The following OLFM2 variants were observed in gnomAD, a reference collection of about 807,000 sequenced individuals.
OLFM2 encodes the protein noelin-2.
In OLFM2, 20 loss-of-function variants were observed where a neutral mutation model predicts 43.9. That is an observed-to-expected ratio of 0.46 (90% CI 0.32 to 0.66). OLFM2 has a LOEUF of 0.66. Among genes scored for constraint, OLFM2 ranks in the 30% least tolerant of loss-of-function variants. The pLI is 0.04. For synonymous variants in OLFM2, 268 were observed against 278.6 expected (o/e 0.96, Z 0.38); for missense variants, 416 against 643.6 (o/e 0.65, Z 3.83).
intron 1 of OLFM2, among the ~76,000 whole-genome samples, chr19:9,906,212 T>C (rs2046784896): frequency 6.6e-6 from 1 of 152,050 alleles, no homozygotes. Flanking sequence ...AGAAGGCTGT[T>C]ATAAATTAAA....
intron 1 of OLFM2, among the ~76,000 whole-genome samples, chr19:9,905,292 C>T (rs574533307): frequency 1.7e-3 from 260 of 152,010 alleles, no homozygotes; most frequent in African/African-American, 6.1e-3. Flanking sequence ...CCCGTCTCTA[C>T]GAAAAATACA....
chr19:9,873,457 A>G (rs952689709), intron 1 of OLFM2, among the ~76,000 whole-genome samples: 2 of 151,906 alleles, frequency 1.3e-5, no homozygotes, highest in African/African-American at 4.8e-5. Flanking sequence ...CCTGGCCAAC[A>G]TTTTTGGTTT....
chr19:9,908,123 C>A (rs913124526), intron 1 of OLFM2, among the ~76,000 whole-genome samples: 2 of 152,020 alleles, frequency 1.3e-5, no homozygotes, highest in African/African-American at 4.8e-5. Context: ...CTCCCTCTTC[C>A]GCTCGCTCAC....
intron 1 of OLFM2, among the ~76,000 whole-genome samples, chr19:9,927,777 C>T (rs1371227737): frequency 6.6e-6 from 1 of 152,128 alleles, no homozygotes. Context: ...GGAACAGAAA[C>T]AATGTGGGCC....
chr19:9,884,798 A>G (rs2046572584), intron 1 of OLFM2, among the ~76,000 whole-genome samples: 1 of 152,168 alleles, frequency 6.6e-6, no homozygotes, highest in South Asian at 2.1e-4. Context: ...TGTGAGCTCC[A>G]AAAGGGCAGG....
At chr19:9,872,826 A>G (rs547962700) in intron 1 of OLFM2, among the ~76,000 whole-genome samples, 2 of 152,080 alleles carry the variant, frequency 1.3e-5, no homozygotes, top group African/African-American at 4.8e-5. Flanking sequence ...ACTCGTATTC[A>G]TTCATCCAAC....
intron 1 of OLFM2, among the ~76,000 whole-genome samples, chr19:9,922,945 A>G (rs1021231160): frequency 6.6e-6 from 1 of 151,936 alleles, no homozygotes; most frequent in African/African-American, 2.4e-5. Flanking sequence ...AAAGAAAAGA[A>G]AAGAAAAAGA....
intron 1 of OLFM2, among the ~76,000 whole-genome samples, chr19:9,890,032 C>T (rs2046624404): frequency 6.6e-6 from 1 of 151,814 alleles, no homozygotes; most frequent in East Asian, 1.9e-4. Context: ...GAGGGGACAA[C>T]GAAGGGTCCC....
intron 1 of OLFM2, among the ~76,000 whole-genome samples, chr19:9,911,653 C>T (rs955489484): frequency 5.9e-5 from 9 of 152,278 alleles, no homozygotes; most frequent in South Asian, 4.1e-4. Context: ...CTTGCACACA[C>T]GTTTGCACAG....
chr19:9,929,526 G>C (rs1042271192), intron 1 of OLFM2, among the ~76,000 whole-genome samples: 2 of 151,808 alleles, frequency 1.3e-5, no homozygotes, highest in African/African-American at 4.8e-5. Flanking sequence ...AACTCGGGAG[G>C]TGGAGGTTGC....
chr19:9,917,942 A>C (rs2086396303), intron 1 of OLFM2, among the ~76,000 whole-genome samples: 1 of 151,978 alleles, frequency 6.6e-6, no homozygotes, highest in African/African-American at 2.4e-5. Context: ...GCAGTGGTGA[A>C]ATCTCTGCTC....
chr19:9,890,111 T>C (rs1364386351), intron 1 of OLFM2, among the ~76,000 whole-genome samples: 1 of 152,076 alleles, frequency 6.6e-6, no homozygotes, highest in Non-Finnish European at 1.5e-5. Context: ...CTCTTCCCTC[T>C]GGGCTCCCCT....
intron 1 of OLFM2, among the ~76,000 whole-genome samples, chr19:9,900,670 C>T (rs896835708): frequency 6.6e-6 from 1 of 151,432 alleles, no homozygotes; most frequent in African/African-American, 2.4e-5. Context: ...GCAGGAGGGT[C>T]GCTTGAACCT....
chr19:9,921,987 G>A lies in OLFM2; in HGVS notation c.63+14317C>T, dbSNP rs190411981. Among the ~76,000 whole-genome samples the A allele has an allele frequency of 3.6e-4, 54 of 152,002 alleles. 1 individual carries two copies. In the East Asian group the frequency reaches 8.0e-3, roughly 22 times the overall value. On this transcript the variant is annotated intron_variant, in intron 1 of 5. Coordinates refer to ENST00000264833, the MANE Select transcript of OLFM2 (RefSeq NM_058164.4). ...TGTGCACCTATAGCTCCAGCAACTCGGCAGGCTAAGGTGGGAAGATCGCTT... is the reference window on the plus strand; with the variant it reads ...TGTGCACCTATAGCTCCAGCAACTCAGCAGGCTAAGGTGGGAAGATCGCTT...
chr19:9,902,452 G>A (rs1161838636), intron 1 of OLFM2, among the ~76,000 whole-genome samples: 6 of 146,924 alleles, frequency 4.1e-5, no homozygotes, highest in Non-Finnish European at 7.4e-5. Context: ...GCGTGATCTC[G>A]GCTCACTGCA....
chr19:9,890,238 G>A (rs541387328), intron 1 of OLFM2, among the ~76,000 whole-genome samples: 1 of 152,314 alleles, frequency 6.6e-6, no homozygotes, highest in African/African-American at 2.4e-5. Context: ...TCCGGGGGCA[G>A]AGAAGGTGTC....
Position 9,856,047 on chromosome 19 carries a change from G to T in OLFM2, c.687+760C>A, listed in dbSNP as rs531464295. Reference sequence around the variant, plus strand: ...CCCTGTCACCATGAGGTGACCAGGCGTGTCATCAACATCATTGTTGTCATC... The same window carrying T: ...CCCTGTCACCATGAGGTGACCAGGCTTGTCATCAACATCATTGTTGTCATC... On this transcript the variant is annotated intron_variant, in intron 5 of 5. Coordinates refer to ENST00000264833, the MANE Select transcript of OLFM2 (RefSeq NM_058164.4). This position sits in a 1 kb window ranked among gnomAD's most constrained non-coding sequence, Gnocchi z 4.0. Among the ~76,000 whole-genome samples, 1 of 152,156 alleles carries T rather than the reference G, an allele frequency of 6.6e-6. No homozygotes were observed. The highest frequency in any genetic ancestry group is 1.5e-5 in the Non-Finnish European group (1 of 68,038).
At chr19:9,880,446 T>C (rs1031240901) in intron 1 of OLFM2, among the ~76,000 whole-genome samples, 3 of 151,534 alleles carry the variant, frequency 2.0e-5, no homozygotes, top group Non-Finnish European at 2.9e-5. Context: ...TAATGAGGAG[T>C]TGGGGCCAGG....
In OLFM2 at chr19:9,857,930, A is replaced by T. The variant is rs1391750225; in HGVS notation, c.214-69T>A. ...ATCCCAACCCAGAGATGCCACAGAC[A>T]AGAGCTGGCAGGAACAGAGGCTGTA... On this transcript the variant is annotated intron_variant, in intron 2 of 5. Coordinates refer to ENST00000264833, the MANE Select transcript of OLFM2 (RefSeq NM_058164.4). The surrounding 1 kb of genome is among the most constrained non-coding windows in gnomAD (Gnocchi z 5.7). 1 of 1,598,324 alleles carries T rather than the reference A, an allele frequency of 6.3e-7. No homozygotes were observed. Among genetic ancestry groups the T allele is most frequent in the Admixed American group, 1.7e-5 (1 of 59,556 alleles).
Sources: allele counts gnomAD v4.1 joint callset (sites outside exome capture counted in the v4.1 genomes callset), GRCh38; gene constraint gnomAD v4.1.1; non-coding constraint Gnocchi (gnomAD v3.1); transcripts MANE v1.5; gene names NCBI Gene and HGNC (gene_info 2026-07-23, HGNC 2026-07-21).